PLSCR2: variants seen among roughly 807,000 people sequenced by gnomAD.
PLSCR2 encodes the protein PL scramblase 2.
A neutral mutation model predicts 25.3 loss-of-function variants in PLSCR2; 18 were observed. The observed-to-expected ratio is 0.71, with a 90% CI of 0.49 to 1.06. PLSCR2 has a LOEUF of 1.06. PLSCR2 is among the 50% of genes least tolerant of loss of function. PLSCR2 has a pLI of 0.00. For missense variants in PLSCR2, 243 were observed against 269.5 expected, an observed-to-expected ratio of 0.90 and a Z score of 0.69; for synonymous variants, 88 against 87.3, an observed-to-expected ratio of 1.01 and a Z score of -0.04.
At chr3:146,450,208 GT>G (rs1323998990) in intron 5 of PLSCR2, among the ~76,000 whole-genome samples, 1 of 152,102 alleles carries the variant, frequency 6.6e-6, no homozygotes, top group East Asian at 1.9e-4. Flanking sequence ...AGTCAGGAAT[GT>G]CATTTTCAAA....
chr3:146,425,807 A>G (rs2039324295), intron 2 of PLSCR2, among the ~76,000 whole-genome samples: 1 of 152,218 alleles, frequency 6.6e-6, no homozygotes, highest in South Asian at 2.1e-4. Context: ...GTGTGGGCTC[A>G]GATAAAGATG....
chr3:146,421,595 C>T (rs1352569297), intron 2 of PLSCR2, among the ~76,000 whole-genome samples: 1 of 151,964 alleles, frequency 6.6e-6, no homozygotes, highest in Non-Finnish European at 1.5e-5. Context: ...TCTGTCTGGC[C>T]CACAACCCAC....
At chr3:146,460,685 C>T (rs531581342), upstream of PLSCR2, among the ~76,000 whole-genome samples, 44 of 152,188 alleles carry the variant, frequency 2.9e-4, no homozygotes, top group Non-Finnish European at 3.8e-4. Flanking sequence ...CCAGGGATGC[C>T]GCTAAACATC....
chr3:146,469,353 A>G, intron 1 of PLSCR2, 142 bp downstream of exon 1: 1 of 973,382 alleles, frequency 1.0e-6, no homozygotes, highest in Non-Finnish European at 1.2e-6. Context: ...TTTCCGTTCC[A>G]CTTCAGGTGT....
intron 3 of PLSCR2, among the ~76,000 whole-genome samples, chr3:146,393,086 T>C (rs1201704963): frequency 6.8e-6 from 1 of 146,646 alleles, no homozygotes; most frequent in Non-Finnish European, 1.5e-5. Flanking sequence ...TGGAGTGTAG[T>C]GGCGTGATCT....
At chr3:146,399,458 T>TAC (rs1367611389) in intron 2 of PLSCR2, among the ~76,000 whole-genome samples, 1 of 151,846 alleles carries the variant, frequency 6.6e-6, no homozygotes, top group African/African-American at 2.4e-5. Flanking sequence ...CACACACATA[T>TAC]ACACACATAG....
intron 1 of PLSCR2, among the ~76,000 whole-genome samples, chr3:146,477,388 G>A (rs888580066): frequency 1.3e-5 from 2 of 152,200 alleles, no homozygotes; most frequent in Non-Finnish European, 2.9e-5. Context: ...CCCAAATACT[G>A]CACTTTTCCT....
chr3:146,444,790 G>A (rs1589675), intron 6 of PLSCR2, among the ~76,000 whole-genome samples: 132,258 of 151,924 alleles, frequency 0.87, 57,882 homozygotes, highest in African/African-American at 0.96. Context: ...TACTCCTATC[G>A]TTTTGTTATT....
downstream of PLSCR2, among the ~76,000 whole-genome samples, chr3:146,438,485 T>C (rs965808682): frequency 2.9e-4 from 44 of 152,370 alleles, no homozygotes; most frequent in African/African-American, 8.4e-4. Context: ...ATATTTAGGA[T>C]AGTTAGCTCT....
chr3:146,479,792 A>G, intron 1 of PLSCR2, among the ~76,000 whole-genome samples: 1 of 152,244 alleles, frequency 6.6e-6, no homozygotes, highest in East Asian at 1.9e-4. Flanking sequence ...CATTCTTCTC[A>G]GCACCACATT....
At chr3:146,420,678 T>A (rs952694064) in intron 2 of PLSCR2, among the ~76,000 whole-genome samples, 1 of 152,120 alleles carries the variant, frequency 6.6e-6, no homozygotes, top group African/African-American at 2.4e-5. Flanking sequence ...AAACAATTTT[T>A]AAATATTGTC....
At chr3:146,418,671 G>A (rs1487689698) in intron 2 of PLSCR2, among the ~76,000 whole-genome samples, 2 of 152,110 alleles carry the variant, frequency 1.3e-5, no homozygotes, top group Non-Finnish European at 2.9e-5. Context: ...CTGCCCTCTT[G>A]TCCTGCAGCT....
chr3:146,476,961 G>A (rs1684057382), intron 1 of PLSCR2, among the ~76,000 whole-genome samples: 1 of 152,236 alleles, frequency 6.6e-6, no homozygotes, highest in Admixed American at 6.5e-5. Context: ...GCCCAGATGA[G>A]TGGGATTCCC....
At chr3:146,446,080 T>C (rs2040540609) in intron 6 of PLSCR2, among the ~76,000 whole-genome samples, 1 of 152,170 alleles carries the variant, frequency 6.6e-6, no homozygotes, top group African/African-American at 2.4e-5. Context: ...TGTTGAGTGT[T>C]CTCAAAACAA....
Position 146,483,428 on chromosome 3 carries a change from A to T in PLSCR2, c.-293+12467T>A, listed in dbSNP as rs183404355. 6.7e-3 allele frequency among the ~76,000 whole-genome samples: 689 copies of T among 103,526 alleles called. 11 individuals are homozygous for T. Among genetic ancestry groups the T allele is most frequent in the African/African-American group, 0.024 (620 of 26,104 alleles). The allele number at this position is 103,526 out of a possible 152,430, so 67.9% of individuals were successfully genotyped here. A position where few individuals can be genotyped will look rare whatever the true frequency, so the allele number is the denominator to read the frequency against. On this transcript the variant is annotated intron_variant, in intron 1 of 8. Coordinates refer to the PLSCR2 transcript ENST00000336685. Reference sequence around the variant, plus strand: ...CACATGTACCCTAGAACTTAAACTTAATATATATATATATACACATGTATG... The same window carrying T: ...CACATGTACCCTAGAACTTAAACTTTATATATATATATATACACATGTATG...
chr3:146,402,858 T>G (rs1018023384), intron 2 of PLSCR2, among the ~76,000 whole-genome samples: 9 of 152,228 alleles, frequency 5.9e-5, no homozygotes, highest in Non-Finnish European at 7.3e-5. Context: ...AACATAATTA[T>G]GTTTCTATCC....
At chr3:146,417,968 C>T (rs536387632) in intron 2 of PLSCR2, among the ~76,000 whole-genome samples, 14 of 152,070 alleles carry the variant, frequency 9.2e-5, no homozygotes, top group African/African-American at 2.4e-4. Flanking sequence ...GTGCTGGAGG[C>T]TGTAGGAATT....
intron 2 of PLSCR2, among the ~76,000 whole-genome samples, chr3:146,409,204 G>A (rs1013281525): frequency 2.0e-5 from 3 of 152,116 alleles, no homozygotes; most frequent in Non-Finnish European, 4.4e-5. Context: ...AGGGACTTGT[G>A]CCTCTCTCAG....
intron 1 of PLSCR2, among the ~76,000 whole-genome samples, chr3:146,482,948 C>A (rs1341812684): frequency 6.6e-6 from 1 of 151,992 alleles, no homozygotes; most frequent in Non-Finnish European, 1.5e-5. Context: ...AGCTGGAAAC[C>A]ATCATTCTCA....
Sources: allele counts gnomAD v4.1 joint callset (sites outside exome capture counted in the v4.1 genomes callset), GRCh38; gene constraint gnomAD v4.1.1; transcripts MANE v1.5; gene names NCBI Gene and HGNC (gene_info 2026-07-23, HGNC 2026-07-21).